The following CAP2 variants were observed in gnomAD, a reference collection of about 807,000 sequenced individuals.
CAP2 encodes the protein adenylyl cyclase-associated protein 2.
A neutral mutation model predicts 57.7 loss-of-function variants in CAP2; 24 were observed. The observed-to-expected ratio is 0.42, with a 90% CI of 0.30 to 0.58. The LOEUF is 0.58. CAP2 is among the 20% of genes least tolerant of loss of function. The pLI, the probability that CAP2 is intolerant of heterozygous loss-of-function variation, is 0.22. For synonymous variants in CAP2, 194 were observed against 207.2 expected (o/e 0.94, Z 0.55); for missense variants, 501 against 590.3 (o/e 0.85, Z 1.57).
At chr6:17,455,320 C>T (rs1412824180) in intron 3 of CAP2, among the ~76,000 whole-genome samples, 1 of 151,788 alleles carries the variant, frequency 6.6e-6, no homozygotes, top group Non-Finnish European at 1.5e-5. Context: ...ATGCGCACAA[C>T]TTAAATTACA....
chr6:17,440,711 T>A (rs528033373), intron 3 of CAP2, among the ~76,000 whole-genome samples: 1 of 151,142 alleles, frequency 6.6e-6, no homozygotes, highest in Non-Finnish European at 1.5e-5. Flanking sequence ...AGGGTACATG[T>A]GCACAACATG....
intron 3 of CAP2, among the ~76,000 whole-genome samples, chr6:17,432,166 C>G (rs1293564892): frequency 6.6e-6 from 1 of 152,148 alleles, no homozygotes; most frequent in African/African-American, 2.4e-5. Flanking sequence ...ATAAATAATA[C>G]AGAATATCTG....
At chr6:17,450,285 T>G (rs1214927584) in intron 3 of CAP2, among the ~76,000 whole-genome samples, 1 of 152,098 alleles carries the variant, frequency 6.6e-6, no homozygotes, top group Non-Finnish European at 1.5e-5. Flanking sequence ...TCTCCTGACC[T>G]CATGATCCGC....
At chr6:17,479,876 A>G (rs1481241161) in intron 4 of CAP2, among the ~76,000 whole-genome samples, 1 of 151,906 alleles carries the variant, frequency 6.6e-6, no homozygotes, top group Non-Finnish European at 1.5e-5. Flanking sequence ...CGGCCTCCCA[A>G]AGTGCTGGGA....
rs534870520 is a variant in CAP2 at position 17,465,353 on chromosome 6, C to T, written c.300+2280C>T. On this transcript the variant is annotated intron_variant, in intron 4 of 12. Coordinates refer to ENST00000229922, the MANE Select transcript of CAP2 (RefSeq NM_006366.3). ...TACAGGCATGAACCGCTGTGCCTGG[C>T]TCTATTGAATTCTTGATAAAGGGGA... Among the ~76,000 whole-genome samples the T allele has an allele frequency of 2.6e-5, 4 of 152,250 alleles. No homozygotes were observed. In the South Asian group the frequency reaches 6.2e-4, roughly 24 times the overall value.
chr6:17,544,554 T>C (rs1292307924), intron 11 of CAP2, among the ~76,000 whole-genome samples: 1 of 151,988 alleles, frequency 6.6e-6, no homozygotes, highest in Non-Finnish European at 1.5e-5. Flanking sequence ...CTTTTTTTTT[T>C]TTTGAGACAG....
At chr6:17,493,876 G>T (rs780115684) in intron 4 of CAP2, among the ~76,000 whole-genome samples, 1 of 151,838 alleles carries the variant, frequency 6.6e-6, no homozygotes, top group Admixed American at 6.6e-5. Flanking sequence ...GAAACAGTAC[G>T]TCTAAATCGG....
chr6:17,441,451 T>G (rs1245999385), intron 3 of CAP2, among the ~76,000 whole-genome samples: 1 of 151,624 alleles, frequency 6.6e-6, no homozygotes, highest in Non-Finnish European at 1.5e-5. Flanking sequence ...GTACATAGGC[T>G]TATTTCAGAT....
At chr6:17,441,627 G>A (rs1210665542) in intron 3 of CAP2, among the ~76,000 whole-genome samples, 1 of 151,810 alleles carries the variant, frequency 6.6e-6, no homozygotes, top group African/African-American at 2.4e-5. Flanking sequence ...GGGACTACAG[G>A]TGCACACCAC....
chr6:17,469,800 T>C (rs1171497711), intron 4 of CAP2, among the ~76,000 whole-genome samples: 1 of 152,178 alleles, frequency 6.6e-6, no homozygotes, highest in Non-Finnish European at 1.5e-5. Flanking sequence ...CGTTCCTCCA[T>C]CTCTGAGTGA....
intron 3 of CAP2, among the ~76,000 whole-genome samples, chr6:17,436,783 C>G (rs1018865353): frequency 6.6e-6 from 1 of 152,066 alleles, no homozygotes; most frequent in Non-Finnish European, 1.5e-5. Flanking sequence ...GTCCCCATCC[C>G]TGTTAGGAAC....
rs1379592495 is a variant in CAP2 at position 17,421,521 on chromosome 6, C to G, written c.-1-34C>G. The G allele has an allele frequency of 3.7e-6, 6 of 1,613,580 alleles. No homozygotes were observed. The South Asian group carries it at 6.6e-5, about 18-fold the overall frequency. On this transcript the variant is annotated intron_variant, in intron 1 of 12. Coordinates refer to ENST00000229922, the MANE Select transcript of CAP2 (RefSeq NM_006366.3). ...TGGTTTACTCATCCTCCCTGATGCT[C>G]ACGCAGCCTCCATTTGTGCCTGTGC... is the stretch of plus-strand genomic sequence containing the variant.
In CAP2 at chr6:17,526,956, CAAAAAAAAAAAAA is replaced by C. The variant is rs1221212193; in HGVS notation, c.637-12303_637-12291del. Among the ~76,000 whole-genome samples, 4 of 80,114 alleles carry C rather than the reference CAAAAAAAAAAAAA, an allele frequency of 5.0e-5. No homozygotes were observed. In the East Asian group the frequency reaches 1.1e-3, roughly 21 times the overall value. The allele number at this position is 80,114 out of a possible 152,430, so 52.6% of individuals were successfully genotyped here. ...TGGGCGACAGAGCAAGACTCTGTCT[CAAAAAAAAAAAAA>C]AAAAAAAAAGAACACATAGGCAAGC... is the stretch of plus-strand genomic sequence containing the variant. On this transcript the variant is annotated intron_variant, in intron 7 of 12. Transcript: ENST00000229922.
At chr6:17,444,595 C>T (rs1339929340) in intron 3 of CAP2, among the ~76,000 whole-genome samples, 1 of 145,408 alleles carries the variant, frequency 6.9e-6, no homozygotes, top group Non-Finnish European at 1.5e-5. Context: ...GAGCCGAGAT[C>T]GCGCCACTGC....
chr6:17,447,106 T>C (rs1760278149), intron 3 of CAP2, among the ~76,000 whole-genome samples: 1 of 150,470 alleles, frequency 6.6e-6, no homozygotes, highest in African/African-American at 2.5e-5. Flanking sequence ...CACTGCAGCC[T>C]CAAACTCCTG....
chr6:17,513,707 C>T lies in CAP2; in HGVS notation c.531-142C>T. 1.6e-6 allele frequency: 1 copy of T among 641,666 alleles called. No individual in the cohort carries two copies. The highest frequency in any genetic ancestry group is 2.8e-6 in the Non-Finnish European group (1 of 358,424). The allele number at this position is 641,666 out of a possible 1,614,324, so 39.7% of individuals were successfully genotyped here. The stretch of plus-strand genomic sequence containing the variant: ...CCTCCCAGGGTTCCCTTCTGAAGCC[C>T]TTCACGGTGCCTGGGTTGCAAGGAC... On this transcript the variant is annotated intron_variant, in intron 6 of 12. Coordinates refer to ENST00000229922, the MANE Select transcript of CAP2 (RefSeq NM_006366.3). The surrounding 1 kb of genome is among the most constrained non-coding windows in gnomAD (Gnocchi z 4.3).
chr6:17,525,804 C>T (rs1762487630), intron 7 of CAP2, among the ~76,000 whole-genome samples: 1 of 152,146 alleles, frequency 6.6e-6, no homozygotes, highest in Non-Finnish European at 1.5e-5. Flanking sequence ...TGGGCAAGAG[C>T]CTTCCAAACT....
At chr6:17,394,079 C>G (rs1442629814) in intron 1 of CAP2, among the ~76,000 whole-genome samples, 5 of 149,454 alleles carry the variant, frequency 3.3e-5, no homozygotes, top group African/African-American at 1.2e-4. Context: ...GGCGGGCGGC[C>G]GCGGCCTCCC....
chr6:17,485,204 TTA>T (rs576649752), intron 4 of CAP2, among the ~76,000 whole-genome samples: 37 of 152,326 alleles, frequency 2.4e-4, no homozygotes, highest in Admixed American at 1.8e-3. Flanking sequence ...ATGTGAATAT[TTA>T]TGAGGGACCT....
Sources: gnomAD v4.1 joint callset for allele counts (sites outside exome capture counted in the v4.1 genomes callset) on GRCh38, gnomAD v4.1.1 for gene constraint, Gnocchi (gnomAD v3.1) non-coding constraint, MANE v1.5 for transcripts, NCBI Gene and HGNC (gene_info 2026-07-23, HGNC 2026-07-21) for gene names.